ATP1A2: variants seen among roughly 807,000 people sequenced by gnomAD.
The protein encoded by ATP1A2 is ATPase Na+/K+ transporting subunit alpha 2.
ATP1A2 carries 56 observed loss-of-function variants against 113.1 expected under a neutral mutation model. The ratio of observed to expected loss-of-function variants is 0.49; its 90% CI spans 0.40 to 0.62. The LOEUF (loss-of-function observed/expected upper bound fraction) is 0.62, where lower values mean the gene tolerates loss of function less well. Among genes scored for constraint, ATP1A2 ranks in the 20% least tolerant of loss-of-function variants. The pLI is 0.00. For missense variants in ATP1A2, 712 were observed against 1,357.8 expected, an observed-to-expected ratio of 0.52 and a Z score of 7.47; for synonymous variants, 490 against 526.8, an observed-to-expected ratio of 0.93 and a Z score of 0.96.
chr1:160,135,421 G>A lies in ATP1A2; in HGVS notation c.2116-13G>A, dbSNP rs201759755. On this transcript the variant is annotated splice_polypyrimidine_tract_variant and intron_variant, in intron 15 of 22. Coordinates refer to ENST00000361216, the MANE Select transcript of ATP1A2 (RefSeq NM_000702.4). This position sits in a 1 kb window ranked among gnomAD's most constrained non-coding sequence, Gnocchi z 6.3. Reference sequence around the variant, plus strand: ...AGGGGTTTCGTCCTCAAGTGTGGCCGTCTTCCCTCCAGGGAGCCATTGTGG... The same window carrying A: ...AGGGGTTTCGTCCTCAAGTGTGGCCATCTTCCCTCCAGGGAGCCATTGTGG... The A allele has an allele frequency of 3.6e-5, 58 of 1,614,142 alleles. No homozygotes were observed. The highest frequency in any genetic ancestry group is 3.1e-4 in the African/African-American group (23 of 75,016).
At position 160,137,012 on chromosome 1, in the gene ATP1A2, G is replaced by C; in HGVS notation, c.2821G>C (p.Val941Leu). ...CATCTGCAAGACCCGCCGCAACTCA[G>C]TCTTCCAGCAGGGCATGAAGTGAGT... The part of the protein sequence containing the change: ...LIICKTRRNS[V>L]FQQGMKNKIL... The change falls in exon 20 of 23, where the codon GTC (valine) becomes CTC (leucine). Residue 941 changes from valine (V) to leucine (L), a missense_variant. Around this residue, in one of 6 missense-constraint regions of ATP1A2, gnomAD observed 188 missense variants for 438.9 expected, o/e 0.43. Coordinates refer to ENST00000361216, the MANE Select transcript of ATP1A2 (RefSeq NM_000702.4). The C allele has an allele frequency of 1.2e-6, 2 of 1,614,200 alleles. No individual in the cohort carries two copies. Among genetic ancestry groups the C allele is most frequent in the South Asian group, 2.2e-5 (2 of 91,078 alleles).
At chr1:160,131,186 T>C (rs1317583174) in intron 13 of ATP1A2, among the ~76,000 whole-genome samples, 1 of 152,192 alleles carries the variant, frequency 6.6e-6, no homozygotes, top group Non-Finnish European at 1.5e-5. Flanking sequence ...TAGTAAACAA[T>C]TTGTGTCACA....
chr1:160,118,302 A>G (rs1198231435), intron 1 of ATP1A2, among the ~76,000 whole-genome samples: 1 of 152,020 alleles, frequency 6.6e-6, no homozygotes, highest in Non-Finnish European at 1.5e-5. Flanking sequence ...CTGCCCACAG[A>G]CCCAGCCCTG....
At chr1:160,118,749 G>A (rs1292886346) in intron 1 of ATP1A2, among the ~76,000 whole-genome samples, 2 of 152,016 alleles carry the variant, frequency 1.3e-5, no homozygotes, top group Non-Finnish European at 2.9e-5. Context: ...CAACAGTGTT[G>A]ACTTCTCCTT....
intron 22 of ATP1A2, among the ~76,000 whole-genome samples, chr1:160,140,463 CA>C (rs1355337796): frequency 7.2e-5 from 11 of 152,222 alleles, no homozygotes; most frequent in African/African-American, 2.4e-4. Flanking sequence ...TGATGGCTTA[CA>C]AACCAAATAC....
chr1:160,117,838 G>A (rs570291364), intron 1 of ATP1A2, among the ~76,000 whole-genome samples: 13 of 152,202 alleles, frequency 8.5e-5, no homozygotes, highest in South Asian at 2.1e-4. Context: ...GAGCGTTGGC[G>A]GATTCCCAGC....
At position 160,136,099 on chromosome 1, in the gene ATP1A2, GA is replaced by G. The variant is rs1651927296; in HGVS notation, c.2439+107del. The G allele has an allele frequency of 2.5e-6, 4 of 1,603,484 alleles. No individual in the cohort carries two copies. The South Asian group carries it at 3.3e-5, about 13-fold the overall frequency. ...GTGGCCCCAGCTGTGGGGGTTACAG[GA>G]GACAGGCACAGGCCTGGAAGACAAT... On this transcript the variant is annotated intron_variant, in intron 17 of 22. Transcript: ENST00000361216.
intron 3 of ATP1A2, 41 bp downstream of exon 3, chr1:160,121,292 G>T (rs751671381): frequency 1.2e-6 from 2 of 1,607,942 alleles, no homozygotes; most frequent in Non-Finnish European, 1.7e-6. Context: ...AAAGAGGCAA[G>T]AAAACCATGC....
At chr1:160,129,153 C>G in intron 10 of ATP1A2, 64 bp downstream of exon 10, 1 of 1,608,412 alleles carries the variant, frequency 6.2e-7, no homozygotes, top group Non-Finnish European at 8.5e-7. Flanking sequence ...TTGCTGGCCC[C>G]AGCTTTCCTT....
In ATP1A2 at chr1:160,136,562, A is replaced by G. The variant is rs554846350; in HGVS notation, c.2564-8A>G. The stretch of plus-strand genomic sequence containing the variant: ...ACCCTGCCCCTGCCTTTGGCCCTCT[A>G]CCCACAGGGATGATCCAGGCACTGG... On this transcript the variant is annotated splice_region_variant and splice_polypyrimidine_tract_variant and intron_variant, in intron 18 of 22. Coordinates refer to ENST00000361216, the MANE Select transcript of ATP1A2 (RefSeq NM_000702.4). 217 of 1,614,120 alleles carry G rather than the reference A, an allele frequency of 1.3e-4. 1 individual carries two copies. The South Asian group carries it at 2.3e-3, about 17-fold the overall frequency.
At chr1:160,117,953 G>T (rs1651243575) in intron 1 of ATP1A2, among the ~76,000 whole-genome samples, 1 of 151,898 alleles carries the variant, frequency 6.6e-6, no homozygotes, top group South Asian at 2.1e-4. Context: ...GGAGGGAGGA[G>T]TGGAGGGAGG....
Position 160,135,780 on chromosome 1 carries a change from G to T in ATP1A2, c.2285-59G>T. ...GGAAGACAGGCAGCCATGCTTCAGG[G>T]GCTGGGGGTGGGGAAGAGTCCCTCT... On this transcript the variant is annotated intron_variant, in intron 16 of 22. Transcript: ENST00000361216. This position sits in a 1 kb window ranked among gnomAD's most constrained non-coding sequence, Gnocchi z 6.3. 6.2e-7 allele frequency: 1 copy of T among 1,613,504 alleles called. No homozygotes were observed. The highest frequency in any genetic ancestry group is 8.5e-7 in the Non-Finnish European group (1 of 1,179,562).
At chr1:160,129,629 T>A (rs886975032) in intron 11 of ATP1A2, among the ~76,000 whole-genome samples, 1 of 152,138 alleles carries the variant, frequency 6.6e-6, no homozygotes, top group Non-Finnish European at 1.5e-5. Flanking sequence ...CTCTCAACTC[T>A]TCTTCCCATA....
intron 1 of ATP1A2, among the ~76,000 whole-genome samples, chr1:160,116,548 C>A (rs368603035): frequency 0.015 from 2,326 of 151,994 alleles, 30 homozygotes; most frequent in Non-Finnish European, 0.023. Context: ...GTGACCCCCC[C>A]CCCAGTCCAC....
chr1:160,123,984 T>A lies in ATP1A2; in HGVS notation c.423T>A (p.Thr141=). 1.2e-6 allele frequency: 2 copies of A among 1,614,204 alleles called. No homozygotes were observed. Among genetic ancestry groups the A allele is most frequent in the Non-Finnish European group, 8.5e-7 (1 of 1,180,014 alleles). Residue 141 remains threonine (T), a synonymous_variant, in exon 5 of 23, where the codon ACT becomes ACA. Transcript: ENST00000361216. ...TGCTGGCAGCTGTGGTCATTGTCAC[T>A]GGCTGCTTCTCCTACTACCAGGAGG... ...GVVLAAVVIV[T]GCFSYYQEAK... is the part of the protein sequence containing the mutation.
At position 160,135,496 on chromosome 1, in the gene ATP1A2, C is replaced by T. The variant is rs2101995121; in HGVS notation, c.2178C>T (p.Asp726=). 6.2e-7 allele frequency: 1 copy of T among 1,614,226 alleles called. No individual in the cohort carries two copies. Residue 726 remains aspartate, a synonymous_variant, in exon 16 of 23, where the codon GAC becomes GAT. Coordinates refer to ENST00000361216, the MANE Select transcript of ATP1A2 (RefSeq NM_000702.4). The surrounding 1 kb of genome is among the most constrained non-coding windows in gnomAD (Gnocchi z 6.3). The part of the protein sequence containing the change: ...VNDSPALKKA[D]IGIAMGISGS... ...ACTCCCCTGCATTGAAGAAGGCTGA[C>T]ATTGGCATTGCCATGGGCATCTCTG...
intron 13 of ATP1A2, among the ~76,000 whole-genome samples, chr1:160,132,561 T>C (rs1264394148): frequency 2.6e-5 from 4 of 151,952 alleles, no homozygotes; most frequent in South Asian, 2.1e-4. Flanking sequence ...AAACTGGATA[T>C]GGAAGGTGAG....
intron 22 of ATP1A2, chr1:160,140,846 C>CTTTTT (rs1045304439): frequency 0.015 from 1,344 of 87,110 alleles, 196 homozygotes; most frequent in African/African-American, 0.049. Flanking sequence ...CTTTCACCTT[C>CTTTTT]TTTTTTTTTT....
intron 20 of ATP1A2, among the ~76,000 whole-genome samples, chr1:160,138,072 A>G (rs188275091): frequency 6.6e-6 from 1 of 152,234 alleles, no homozygotes; most frequent in East Asian, 1.9e-4. Context: ...AGGTGGGAAC[A>G]TGGCCATAGT....
Sources: gnomAD v4.1 joint callset for allele counts (sites outside exome capture counted in the v4.1 genomes callset) on GRCh38, gnomAD v4.1.1 for gene constraint, gnomAD v4.1.1 regional missense constraint, Gnocchi (gnomAD v3.1) non-coding constraint, MANE v1.5 for transcripts, NCBI Gene and HGNC (gene_info 2026-07-23, HGNC 2026-07-21) for gene names.